MIER1: variants seen among roughly 807,000 people sequenced by gnomAD.
The protein encoded by MIER1 is MIER1 transcriptional regulator, also known as mesoderm induction early response protein 1.
A neutral mutation model predicts 75.7 loss-of-function variants in MIER1; 40 were observed. The observed-to-expected ratio is 0.53, with a 90% CI of 0.41 to 0.69. MIER1 has a LOEUF of 0.69. MIER1 is among the 30% of genes least tolerant of loss of function. The probability of loss-of-function intolerance (pLI) is 0.00; values close to 1 mark genes in which losing one functional copy is unlikely to be tolerated. For missense variants in MIER1, 574 were observed against 680.2 expected (o/e 0.84, Z 1.74); for synonymous variants, 213 against 223.4 (o/e 0.95, Z 0.42).
At chr1:66,963,269 T>C in intron 8 of MIER1, 109 bp downstream of exon 8, 3 of 668,852 alleles carry the variant, frequency 4.5e-6, no homozygotes, top group Non-Finnish European at 7.9e-6. Context: ...AGTAACCCCA[T>C]TGTAACCCCA....
intron 2 of MIER1, among the ~76,000 whole-genome samples, chr1:66,926,888 C>T (rs1007768007): frequency 1.1e-4 from 17 of 151,796 alleles, no homozygotes; most frequent in African/African-American, 4.8e-5. Flanking sequence ...TGAGAGGTAC[C>T]TTTTTGGATT....
chr1:66,986,619 A>G lies in MIER1; in HGVS notation c.*1719A>G, dbSNP rs1474323013. ...ACTGCTTCCCTTCACCAATGTGAACAACTTTTTTTCCCAAACAGTGTTAAA... is the reference window on the plus strand; with the variant it reads ...ACTGCTTCCCTTCACCAATGTGAACGACTTTTTTTCCCAAACAGTGTTAAA... On this transcript the variant is annotated 3_prime_UTR_variant, in exon 14 of 14. Coordinates refer to ENST00000401041, the MANE Select transcript of MIER1 (RefSeq NM_001077700.3). 2.0e-5 allele frequency: 13 copies of G among 656,438 alleles called. No homozygotes were observed. 40.7% of individuals were successfully genotyped at this position (656,438 alleles called of 1,614,324 possible). A position where few individuals can be genotyped will look rare whatever the true frequency, so the allele number is the denominator to read the frequency against.
chr1:66,985,999 T>C lies in MIER1; in HGVS notation c.*1099T>C. On this transcript the variant is annotated 3_prime_UTR_variant, in exon 14 of 14. Coordinates refer to ENST00000401041, the MANE Select transcript of MIER1 (RefSeq NM_001077700.3). The stretch of plus-strand genomic sequence containing the variant: ...CTTAAATATATCATGCTGACCAGAA[T>C]CCTGTTATTTTTATATGCATCATAA... 7.1e-6 allele frequency: 7 copies of C among 989,800 alleles called. No homozygotes were observed. Among genetic ancestry groups the C allele is most frequent in the Non-Finnish European group, 8.4e-6 (7 of 832,730 alleles). 61.3% of individuals were successfully genotyped at this position (989,800 alleles called of 1,614,324 possible).
rs553051950 is a variant in MIER1 at position 66,956,592 on chromosome 1, C to T, written c.340-1467C>T. Among the ~76,000 whole-genome samples the T allele has an allele frequency of 4.6e-5, 7 of 152,266 alleles. No homozygotes were observed. The East Asian group carries it at 1.4e-3, about 29-fold the overall frequency. ...CACTTAAAGCACTGTTGGTGTTGTA[C>T]TTTGAGAGACACAGTGTAAGAGCTG... On this transcript the variant is annotated intron_variant, in intron 4 of 13. Transcript: ENST00000401041.
In MIER1 at chr1:66,987,587, T is replaced by A. The variant is rs1461487287; in HGVS notation, c.*2687T>A. 6.6e-6 allele frequency: 1 copy of A among 152,634 alleles called. No homozygotes were observed. Among genetic ancestry groups the A allele is most frequent in the Non-Finnish European group, 1.5e-5 (1 of 68,004 alleles). 9.5% of individuals were successfully genotyped at this position (152,634 alleles called of 1,614,324 possible). A position where few individuals can be genotyped will look rare whatever the true frequency, so the allele number is the denominator to read the frequency against. On this transcript the variant is annotated 3_prime_UTR_variant, in exon 14 of 14. Transcript: ENST00000401041. ...GATGTTAAATTTATGCATAGTAATT[T>A]TGCACTGTAAAATAATTCCCTTCTC...
intron 4 of MIER1, among the ~76,000 whole-genome samples, chr1:66,949,486 GAC>G (rs1658425224): frequency 1.3e-5 from 2 of 152,146 alleles, no homozygotes; most frequent in South Asian, 4.1e-4. Context: ...GGGAAAAAAA[GAC>G]AGTTGAACCA....
chr1:66,964,501 G>A (rs564096784), intron 8 of MIER1, among the ~76,000 whole-genome samples: 1 of 146,282 alleles, frequency 6.8e-6, no homozygotes, highest in Admixed American at 6.9e-5. Context: ...TGCCCAGGCT[G>A]GAGTGCAATG....
chr1:66,924,998 C>G lies in MIER1; in HGVS notation c.-31C>G. 3 of 1,544,844 alleles carry G rather than the reference C, an allele frequency of 1.9e-6. No homozygotes were observed. Among genetic ancestry groups the G allele is most frequent in the Non-Finnish European group, 2.6e-6 (3 of 1,145,298 alleles). ...CGGGCGGCCCGGGCCTCAGGCCCCT[C>G]CCAGGCTCTGAGTCTCCCGGCTGCA... On this transcript the variant is annotated 5_prime_UTR_variant, in exon 1 of 14. Transcript: ENST00000401041.
At chr1:66,931,703 TTC>T (rs1170112940) in intron 2 of MIER1, among the ~76,000 whole-genome samples, 3 of 152,214 alleles carry the variant, frequency 2.0e-5, no homozygotes, top group Admixed American at 1.3e-4. Context: ...ACGTAGTACT[TTC>T]TGTTTCCCCA....
chr1:66,986,223 CACAATAA>C lies in MIER1; in HGVS notation c.*1324_*1330del. ...GCTTTTCCAAAGTGAAAATAAGATACACAATAATCATTGCTCTGTGTGATTACAGATA... is the reference window on the plus strand; with the variant it reads ...GCTTTTCCAAAGTGAAAATAAGATACTCATTGCTCTGTGTGATTACAGATA... On this transcript the variant is annotated 3_prime_UTR_variant, in exon 14 of 14. Transcript: ENST00000401041. 1 of 1,271,650 alleles carries C rather than the reference CACAATAA, an allele frequency of 7.9e-7. No individual in the cohort carries two copies. Among genetic ancestry groups the C allele is most frequent in the Non-Finnish European group, 9.9e-7 (1 of 1,010,168 alleles). The allele number at this position is 1,271,650 out of a possible 1,614,324, so 78.8% of individuals were successfully genotyped here.
chr1:66,965,010 G>T (rs1161075580), intron 8 of MIER1, among the ~76,000 whole-genome samples: 3 of 152,130 alleles, frequency 2.0e-5, no homozygotes, highest in African/African-American at 7.2e-5. Context: ...GGCCAGTACG[G>T]TTTTTGTGAT....
chr1:66,927,835 A>G (rs919153040), intron 2 of MIER1, among the ~76,000 whole-genome samples: 1 of 152,102 alleles, frequency 6.6e-6, no homozygotes, highest in Admixed American at 6.6e-5. Flanking sequence ...CAGGGTAGAG[A>G]ATTGACTAAA....
chr1:66,931,566 C>G (rs1216525742), intron 2 of MIER1, among the ~76,000 whole-genome samples: 4 of 152,040 alleles, frequency 2.6e-5, no homozygotes, highest in African/African-American at 7.2e-5. Flanking sequence ...GGACTGTTTG[C>G]TGCGAGTATT....
chr1:66,939,313 A>G (rs1174469289), intron 2 of MIER1, among the ~76,000 whole-genome samples: 2 of 152,128 alleles, frequency 1.3e-5, no homozygotes, highest in East Asian at 1.9e-4. Context: ...ATAAATTGCT[A>G]CCAATTTTAT....
chr1:66,938,609 GA>G (rs1655474373), intron 2 of MIER1, among the ~76,000 whole-genome samples: 1 of 152,160 alleles, frequency 6.6e-6, no homozygotes, highest in African/African-American at 2.4e-5. Context: ...AAGCAAGCTA[GA>G]AACCCTTTTT....
intron 11 of MIER1, among the ~76,000 whole-genome samples, chr1:66,974,171 G>C (rs1310029188): frequency 1.3e-5 from 2 of 151,552 alleles, no homozygotes; most frequent in Non-Finnish European, 2.9e-5. Context: ...TTATTTTGTT[G>C]AATGTTGGCA....
At chr1:66,982,359 A>C (rs987896946) in intron 13 of MIER1, among the ~76,000 whole-genome samples, 5 of 152,218 alleles carry the variant, frequency 3.3e-5, no homozygotes, top group Admixed American at 6.5e-5. Flanking sequence ...AATAACCTTG[A>C]ATAATGAGAA....
intron 11 of MIER1, among the ~76,000 whole-genome samples, chr1:66,976,306 TC>T (rs906255597): frequency 1.8e-4 from 27 of 152,316 alleles, no homozygotes; most frequent in Admixed American, 1.8e-3. Context: ...CCGGCCAACT[TC>T]CAAGCATTTT....
chr1:66,945,745 G>C (rs1657477647), intron 3 of MIER1, among the ~76,000 whole-genome samples: 1 of 152,122 alleles, frequency 6.6e-6, no homozygotes, highest in African/African-American at 2.4e-5. Context: ...CATAGTCCCA[G>C]CTACTTTGGA....
Sources: gnomAD v4.1 joint callset for allele counts (sites outside exome capture counted in the v4.1 genomes callset) on GRCh38, gnomAD v4.1.1 for gene constraint, MANE v1.5 for transcripts, NCBI Gene and HGNC (gene_info 2026-07-23, HGNC 2026-07-21) for gene names.